GALNT17: variants seen among roughly 807,000 people sequenced by gnomAD.
GALNT17 encodes the protein polypeptide N-acetylgalactosaminyltransferase 17.
A neutral mutation model predicts 63.7 loss-of-function variants in GALNT17; 29 were observed. That is an observed-to-expected ratio of 0.46 (90% confidence interval 0.34 to 0.62). The LOEUF (loss-of-function observed/expected upper bound fraction) is 0.62. Ranked by LOEUF, GALNT17 falls within the 20% of genes least tolerant of loss-of-function variation. GALNT17 has a pLI of 0.01. For synonymous variants in GALNT17, 305 were observed against 318.3 expected, an observed-to-expected ratio of 0.96 and a Z score of 0.45; for missense variants, 603 against 799.6, an observed-to-expected ratio of 0.75 and a Z score of 2.97.
At chr7:71,682,891 C>A (rs1263410997) in intron 9 of GALNT17, among the ~76,000 whole-genome samples, 1 of 151,998 alleles carries the variant, frequency 6.6e-6, no homozygotes. Flanking sequence ...TTAATGAGGG[C>A]TTTCACTCTG....
intron 1 of GALNT17, among the ~76,000 whole-genome samples, chr7:71,319,057 T>G (rs535118336): frequency 6.6e-6 from 1 of 150,532 alleles, no homozygotes; most frequent in East Asian, 1.9e-4. Flanking sequence ...TATCCTAATG[T>G]CTGAACCACA....
intron 6 of GALNT17, among the ~76,000 whole-genome samples, chr7:71,629,481 T>C (rs1221719010): frequency 6.6e-6 from 1 of 152,178 alleles, no homozygotes; most frequent in Non-Finnish European, 1.5e-5. Flanking sequence ...AGGTTCGTTT[T>C]TATTTTTATT....
intron 3 of GALNT17, among the ~76,000 whole-genome samples, chr7:71,399,608 T>G (rs1384959974): frequency 2.6e-5 from 4 of 152,254 alleles, no homozygotes; most frequent in African/African-American, 9.6e-5. Context: ...AGTTTTTTTG[T>G]GAATTTTGAC....
At chr7:71,299,557 G>A (rs758536632) in intron 1 of GALNT17, among the ~76,000 whole-genome samples, 3 of 152,080 alleles carry the variant, frequency 2.0e-5, no homozygotes, top group Admixed American at 6.6e-5. Flanking sequence ...TGGAGGTATC[G>A]GACAGGTGTC....
intron 1 of GALNT17, among the ~76,000 whole-genome samples, chr7:71,219,637 T>C (rs1789547754): frequency 6.6e-6 from 1 of 152,180 alleles, no homozygotes; most frequent in Admixed American, 6.5e-5. Context: ...AGTATCCTGT[T>C]CTTGTTTAAT....
chr7:71,201,755 C>G (rs566351135), intron 1 of GALNT17, among the ~76,000 whole-genome samples: 12 of 151,946 alleles, frequency 7.9e-5, no homozygotes, highest in Non-Finnish European at 1.6e-4. Flanking sequence ...CCTCACCCTT[C>G]CGAGTCGCTG....
intron 6 of GALNT17, among the ~76,000 whole-genome samples, chr7:71,642,046 G>A (rs978151784): frequency 6.6e-6 from 1 of 152,144 alleles, no homozygotes; most frequent in Non-Finnish European, 1.5e-5. Context: ...CCCAGCATCA[G>A]CTGTCCCCCC....
At chr7:71,293,213 T>C (rs1447463961) in intron 1 of GALNT17, among the ~76,000 whole-genome samples, 1 of 152,224 alleles carries the variant, frequency 6.6e-6, no homozygotes, top group Non-Finnish European at 1.5e-5. Context: ...CCTTTGGATA[T>C]ATATCTAAAA....
chr7:71,674,190 T>TATA (rs1353932048), intron 8 of GALNT17, among the ~76,000 whole-genome samples: 3 of 152,200 alleles, frequency 2.0e-5, no homozygotes, highest in Non-Finnish European at 4.4e-5. Flanking sequence ...AATTCCCAGA[T>TATA]ATAATCAATG....
At chr7:71,645,481 G>T (rs1852185) in intron 6 of GALNT17, among the ~76,000 whole-genome samples, 1 of 152,026 alleles carries the variant, frequency 6.6e-6, no homozygotes, top group Admixed American at 6.6e-5. Context: ...TTCCCTTTCC[G>T]CCATGATTGT....
intron 1 of GALNT17, among the ~76,000 whole-genome samples, chr7:71,164,140 C>T (rs1048246437): frequency 6.6e-6 from 1 of 152,104 alleles, no homozygotes; most frequent in Admixed American, 6.6e-5. Context: ...GTGAATTATG[C>T]ATGGAAAAAG....
In GALNT17 at chr7:71,591,152, G is replaced by A. The variant is rs1255474968; in HGVS notation, c.1080+19750G>A. ...GCTCACTGCAACCTCCACCTCATGG[G>A]TTCAAGCGATTCTCCTGCCTCAGGC... On this transcript the variant is annotated intron_variant, in intron 6 of 10. Transcript: ENST00000333538. Among the ~76,000 whole-genome samples the A allele has an allele frequency of 2.6e-5, 4 of 152,238 alleles. No individual in the cohort carries two copies. The South Asian group carries it at 8.3e-4, about 32-fold the overall frequency.
chr7:71,186,257 T>C (rs1374444625), intron 1 of GALNT17, among the ~76,000 whole-genome samples: 1 of 152,174 alleles, frequency 6.6e-6, no homozygotes, highest in African/African-American at 2.4e-5. Context: ...CTACTCCCCT[T>C]TCCCCTTTAT....
At chr7:71,358,024 C>G (rs904476276) in intron 2 of GALNT17, among the ~76,000 whole-genome samples, 1 of 152,156 alleles carries the variant, frequency 6.6e-6, no homozygotes, top group Non-Finnish European at 1.5e-5. Flanking sequence ...CAGCCAGCAG[C>G]GGCAACCCGC....
chr7:71,673,874 C>T (rs1446271928), intron 8 of GALNT17, among the ~76,000 whole-genome samples: 3 of 152,220 alleles, frequency 2.0e-5, no homozygotes, highest in East Asian at 3.9e-4. Flanking sequence ...CCACTTCCGC[C>T]TCCCGAGTAT....
At chr7:71,598,240 C>A (rs1483044866) in intron 6 of GALNT17, among the ~76,000 whole-genome samples, 1 of 152,164 alleles carries the variant, frequency 6.6e-6, no homozygotes, top group Non-Finnish European at 1.5e-5. Context: ...CCGTGCCCGG[C>A]CGGTAGTTTC....
intron 5 of GALNT17, among the ~76,000 whole-genome samples, chr7:71,559,904 A>AAC (rs1789225250): frequency 1.3e-5 from 2 of 152,028 alleles, no homozygotes; most frequent in African/African-American, 4.8e-5. Flanking sequence ...AAACAAAAAA[A>AAC]AAAAAATCAG....
At chr7:71,141,083 T>C (rs1479188575) in intron 1 of GALNT17, among the ~76,000 whole-genome samples, 2 of 144,702 alleles carry the variant, frequency 1.4e-5, no homozygotes, top group East Asian at 4.3e-4. Flanking sequence ...GCATGGTGAC[T>C]CAGGGCCAGG....
chr7:71,600,167 C>T (rs1342873932), intron 6 of GALNT17, among the ~76,000 whole-genome samples: 1 of 149,860 alleles, frequency 6.7e-6, no homozygotes, highest in Non-Finnish European at 1.5e-5. Context: ...TGTAGTTGAC[C>T]AAAGGAGCCA....
Sources: gnomAD v4.1 joint callset for allele counts (sites outside exome capture counted in the v4.1 genomes callset) on GRCh38, gnomAD v4.1.1 for gene constraint, MANE v1.5 for transcripts, NCBI Gene and HGNC (gene_info 2026-07-23, HGNC 2026-07-21) for gene names.